Variants in CFAP299 observed in about 807,000 individuals in gnomAD.
CFAP299 encodes the protein cilia and flagella associated protein 299, also known as cilia- and flagella-associated protein 299.
A neutral mutation model predicts 27.0 loss-of-function variants in CFAP299; 21 were observed. The ratio of observed to expected loss-of-function variants is 0.78; its 90% CI spans 0.55 to 1.12. The LOEUF (loss-of-function observed/expected upper bound fraction) is 1.12, where lower values mean the gene tolerates loss of function less well. Ranked by LOEUF, CFAP299 falls within the 50% of genes most tolerant of loss-of-function variation. The pLI, the probability that CFAP299 is intolerant of heterozygous loss-of-function variation, is 0.00. For synonymous variants in CFAP299, 104 were observed against 98.1 expected, an observed-to-expected ratio of 1.06 and a Z score of -0.36; for missense variants, 310 against 276.6, an observed-to-expected ratio of 1.12 and a Z score of -0.86.
intron 2 of CFAP299, among the ~76,000 whole-genome samples, chr4:80,572,060 G>A (rs1735606349): frequency 6.6e-6 from 1 of 151,994 alleles, no homozygotes; most frequent in South Asian, 2.1e-4. Flanking sequence ...ATGTTTGTGG[G>A]TACACAGGGT....
intron 4 of CFAP299, among the ~76,000 whole-genome samples, chr4:80,875,432 C>T (rs371255514): frequency 3.3e-5 from 5 of 151,952 alleles, no homozygotes; most frequent in Admixed American, 6.6e-5. Context: ...GAGGCCGAGG[C>T]GGGTGGATCA....
At chr4:80,350,123 T>C (rs899231146) in intron 1 of CFAP299, among the ~76,000 whole-genome samples, 2 of 152,036 alleles carry the variant, frequency 1.3e-5, no homozygotes, top group Non-Finnish European at 2.9e-5. Context: ...TGTGGGGCAA[T>C]GTCAAACAGT....
intron 3 of CFAP299, among the ~76,000 whole-genome samples, chr4:80,869,516 T>C (rs1407908796): frequency 1.3e-5 from 2 of 152,178 alleles, no homozygotes; most frequent in South Asian, 4.1e-4. Flanking sequence ...TTGTTAGTAC[T>C]TTTCTTTTTT....
intron 3 of CFAP299, among the ~76,000 whole-genome samples, chr4:80,825,013 A>G (rs1449515956): frequency 2.6e-5 from 4 of 152,138 alleles, no homozygotes; most frequent in African/African-American, 4.8e-5. Flanking sequence ...AAATAAAGAC[A>G]TGGATAATGT....
At chr4:80,489,978 T>C (rs920068293) in intron 2 of CFAP299, among the ~76,000 whole-genome samples, 1 of 152,204 alleles carries the variant, frequency 6.6e-6, no homozygotes, top group Non-Finnish European at 1.5e-5. Context: ...ATAACTCCCG[T>C]GTCAAATTAG....
At chr4:80,479,390 C>A (rs527823197) in intron 2 of CFAP299, among the ~76,000 whole-genome samples, 1 of 152,040 alleles carries the variant, frequency 6.6e-6, no homozygotes, top group South Asian at 2.1e-4. Flanking sequence ...AGGTTTATAG[C>A]TTTTATGGCA....
At chr4:80,624,640 A>G (rs898795910) in intron 3 of CFAP299, among the ~76,000 whole-genome samples, 1 of 152,068 alleles carries the variant, frequency 6.6e-6, no homozygotes, top group Non-Finnish European at 1.5e-5. Flanking sequence ...AAGGTCAAAT[A>G]TCTCTGATCA....
intron 2 of CFAP299, among the ~76,000 whole-genome samples, chr4:80,533,632 C>G (rs556974830): frequency 1.2e-4 from 18 of 152,034 alleles, no homozygotes; most frequent in Non-Finnish European, 2.6e-4. Flanking sequence ...AGTTATTTCT[C>G]AAAGACATTT....
At chr4:80,789,374 G>C (rs1020988109) in intron 3 of CFAP299, among the ~76,000 whole-genome samples, 5 of 151,992 alleles carry the variant, frequency 3.3e-5, no homozygotes, top group East Asian at 1.9e-4. Context: ...TTTAGGAGGA[G>C]AGCAGCATGA....
At chr4:80,850,836 G>A (rs13139873) in intron 3 of CFAP299, among the ~76,000 whole-genome samples, 23,583 of 152,000 alleles carry the variant, frequency 0.16, 2,251 homozygotes, top group Middle Eastern at 0.27. Context: ...TTTGAAATAA[G>A]ATATTGGCAA....
chr4:80,506,580 G>A (rs1732049552), intron 2 of CFAP299, among the ~76,000 whole-genome samples: 2 of 152,132 alleles, frequency 1.3e-5, no homozygotes. Flanking sequence ...ATTTTAATTA[G>A]TTGTCCATAT....
intron 3 of CFAP299, among the ~76,000 whole-genome samples, chr4:80,667,938 A>G (rs1741223763): frequency 1.3e-5 from 2 of 152,044 alleles, no homozygotes; most frequent in African/African-American, 4.8e-5. Context: ...CACTCCCACC[A>G]ACAATATATA....
intron 2 of CFAP299, chr4:80,388,567 C>T: frequency 7.0e-7 from 1 of 1,424,458 alleles, no homozygotes; most frequent in East Asian, 2.3e-5. Context: ...GAAAGACATC[C>T]TCATCATCCA....
intron 4 of CFAP299, among the ~76,000 whole-genome samples, chr4:80,918,978 G>A (rs560890570): frequency 1.3e-5 from 2 of 152,090 alleles, no homozygotes; most frequent in African/African-American, 4.8e-5. Flanking sequence ...GCAGAAGCAA[G>A]AGCCCCTTTA....
At chr4:80,858,742 G>C (rs908290912) in intron 3 of CFAP299, among the ~76,000 whole-genome samples, 2 of 152,104 alleles carry the variant, frequency 1.3e-5, no homozygotes, top group African/African-American at 4.8e-5. Context: ...TTAATCCTGA[G>C]TTCTAGTTTG....
At chr4:80,555,119 T>C (rs377226446) in intron 2 of CFAP299, among the ~76,000 whole-genome samples, 60 of 152,328 alleles carry the variant, frequency 3.9e-4, no homozygotes, top group African/African-American at 1.3e-3. Flanking sequence ...CCATTCCGTA[T>C]GATGTTGGCT....
At chr4:80,382,921 GA>G (rs1193830070) in intron 2 of CFAP299, among the ~76,000 whole-genome samples, 7 of 152,060 alleles carry the variant, frequency 4.6e-5, no homozygotes, top group Non-Finnish European at 7.4e-5. Flanking sequence ...CAGAAATATA[GA>G]ATCAACTTAA....
At chr4:80,402,999 G>C (rs532713623) in intron 2 of CFAP299, among the ~76,000 whole-genome samples, 1 of 152,230 alleles carries the variant, frequency 6.6e-6, no homozygotes, top group Non-Finnish European at 1.5e-5. Flanking sequence ...TGGAGCTTTT[G>C]GTGACTAAAC....
intron 3 of CFAP299, among the ~76,000 whole-genome samples, chr4:80,636,398 A>C (rs1470600852): frequency 6.6e-6 from 1 of 152,326 alleles, no homozygotes; most frequent in East Asian, 1.9e-4. Context: ...AAAGCAATAA[A>C]GTTTACAAAC....
Sources: gnomAD v4.1 joint callset for allele counts (sites outside exome capture counted in the v4.1 genomes callset) on GRCh38, gnomAD v4.1.1 for gene constraint, MANE v1.5 for transcripts, NCBI Gene and HGNC (gene_info 2026-07-23, HGNC 2026-07-21) for gene names.